Variants in TMPRSS11B observed in about 807,000 individuals in gnomAD.
TMPRSS11B encodes the protein transmembrane protease serine 11B.
TMPRSS11B carries 53 observed loss-of-function variants against 44.7 expected under a neutral mutation model. That is an observed-to-expected ratio of 1.19 (90% CI 0.95 to 1.49). The LOEUF (loss-of-function observed/expected upper bound fraction) is 1.49, where lower values mean the gene tolerates loss of function less well. Among genes scored for constraint, TMPRSS11B ranks in the 40% most tolerant of loss-of-function variants. The probability of loss-of-function intolerance (pLI) is 0.00; values close to 1 mark genes in which losing one functional copy is unlikely to be tolerated. For synonymous variants in TMPRSS11B, 140 were observed against 159.2 expected (o/e 0.88, Z 0.91); for missense variants, 526 against 494.8 (o/e 1.06, Z -0.60).
chr4:68,243,413 T>A (rs1719915180), intron 1 of TMPRSS11B, among the ~76,000 whole-genome samples: 1 of 152,184 alleles, frequency 6.6e-6, no homozygotes, highest in Non-Finnish European at 1.5e-5. Context: ...CTTCACTCTG[T>A]TCCACATTCT....
Position 68,228,861 on chromosome 4 carries a change from C to CT in TMPRSS11B, c.969dup (p.Glu324ArgfsTer8). ...TTGTCAATAATCTTCAAAAAGTCTT[C>CT]TTGAAGTATCACTGGAAATGAACCT... On this transcript the variant is annotated frameshift_variant, in exon 9 of 10. Transcript: ENST00000332644. LOFTEE classifies it high-confidence loss of function. 1 of 1,612,946 alleles carries CT rather than the reference C, an allele frequency of 6.2e-7. No homozygotes were observed. The highest frequency in any genetic ancestry group is 8.5e-7 in the Non-Finnish European group (1 of 1,179,622).
chr4:68,235,226 T>G (rs1046423684), intron 4 of TMPRSS11B, among the ~76,000 whole-genome samples: 5 of 152,212 alleles, frequency 3.3e-5, no homozygotes, highest in African/African-American at 1.2e-4. Context: ...TTGGAAGACT[T>G]TCAAACCAAA....
At chr4:68,228,145 C>T in intron 9 of TMPRSS11B, 73 bp from the exon 10 acceptor site, 1 of 1,348,232 alleles carries the variant, frequency 7.4e-7, no homozygotes, top group Non-Finnish European at 9.9e-7. Flanking sequence ...GTGGAGTTAT[C>T]TGTACCTCCT....
chr4:68,231,771 C>T (rs1373136705), intron 6 of TMPRSS11B: 1 of 159,344 alleles, frequency 6.3e-6, no homozygotes, highest in Non-Finnish European at 1.4e-5. Context: ...TGAATGAATG[C>T]ATAAATGTAT....
At chr4:68,242,216 AATATTATATTATAT>A (rs1719847763) in intron 1 of TMPRSS11B, among the ~76,000 whole-genome samples, 1 of 73,134 alleles carries the variant, frequency 1.4e-5, no homozygotes, top group Non-Finnish European at 2.3e-5. Flanking sequence ...TAATATATAT[AATATTATATTATAT>A]TATATATATT....
chr4:68,232,042 T>C (rs940298097), intron 6 of TMPRSS11B: 1 of 166,276 alleles, frequency 6.0e-6, no homozygotes, highest in African/African-American at 2.4e-5. Flanking sequence ...AAATATATTT[T>C]ATATAGCCTG....
chr4:68,229,877 C>T (rs898375804), intron 7 of TMPRSS11B, among the ~76,000 whole-genome samples: 10 of 129,538 alleles, frequency 7.7e-5, no homozygotes, highest in Non-Finnish European at 3.4e-5. Flanking sequence ...TGCCACATAC[C>T]CTTGGTTTCA....
chr4:68,234,426 C>T, intron 5 of TMPRSS11B, 37 bp downstream of exon 5: 1 of 1,529,976 alleles, frequency 6.5e-7, no homozygotes. Flanking sequence ...CCAGAAAAAA[C>T]CTATGTAATA....
chr4:68,231,440 T>C (rs1026319619), intron 6 of TMPRSS11B, 60 bp from the exon 7 acceptor site: 4 of 1,246,894 alleles, frequency 3.2e-6, no homozygotes, highest in East Asian at 5.0e-5. Flanking sequence ...TATAAAAAAA[T>C]ATATCATTAA....
chr4:68,244,823 C>G (rs546268979), intron 1 of TMPRSS11B, among the ~76,000 whole-genome samples: 3 of 152,130 alleles, frequency 2.0e-5, no homozygotes, highest in Non-Finnish European at 4.4e-5. Context: ...CATTTATAAA[C>G]CATTTGAATT....
Position 68,233,173 on chromosome 4 carries a change from G to A in TMPRSS11B, c.470-757C>T, listed in dbSNP as rs529961117. 3.9e-5 allele frequency among the ~76,000 whole-genome samples: 6 copies of A among 151,940 alleles called. No individual in the cohort carries two copies. The South Asian group carries it at 6.2e-4, about 16-fold the overall frequency. On this transcript the variant is annotated intron_variant, in intron 5 of 9. Transcript: ENST00000332644. ...GGGACACAGAAAGAGAGTAAACAAC[G>A]TATCCCTCTTTCCCAAAAGCTACTC... is the stretch of plus-strand genomic sequence containing the variant.
Position 68,227,138 on chromosome 4 carries a change from T to C in TMPRSS11B, c.*773A>G, listed in dbSNP as rs1719372884. ...TGCAAGATTGCATGATTTTGTGAGG[T>C]ACATGAATCATTTCACATATAAGTT... On this transcript the variant is annotated 3_prime_UTR_variant, in exon 10 of 10. Transcript: ENST00000332644. The C allele has an allele frequency of 6.6e-6, 1 of 152,214 alleles. No individual in the cohort carries two copies. The highest frequency in any genetic ancestry group is 1.5e-5 in the Non-Finnish European group (1 of 68,044). The allele number at this position is 152,214 out of a possible 1,614,324, so 9.4% of individuals were successfully genotyped here. A position where few individuals can be genotyped will look rare whatever the true frequency, so the allele number is the denominator to read the frequency against.
At position 68,227,183 on chromosome 4, in the gene TMPRSS11B, C is replaced by T. The variant is rs1029243965; in HGVS notation, c.*728G>A. 2 of 152,018 alleles carry T rather than the reference C, an allele frequency of 1.3e-5. No homozygotes were observed. The highest frequency in any genetic ancestry group is 2.9e-5 in the Non-Finnish European group (2 of 67,994). 9.4% of individuals were successfully genotyped at this position (152,018 alleles called of 1,614,324 possible). ...TAAGTTAAAAAGTAATGTACACTTTCGCACTTATTCCAGTTAATAAAATGA... is the reference window on the plus strand; with the variant it reads ...TAAGTTAAAAAGTAATGTACACTTTTGCACTTATTCCAGTTAATAAAATGA... On this transcript the variant is annotated 3_prime_UTR_variant, in exon 10 of 10. Coordinates refer to ENST00000332644, the MANE Select transcript of TMPRSS11B (RefSeq NM_182502.3).
At chr4:68,244,722 G>T (rs1403677772) in intron 1 of TMPRSS11B, among the ~76,000 whole-genome samples, 4 of 152,164 alleles carry the variant, frequency 2.6e-5, no homozygotes, top group African/African-American at 9.7e-5. Flanking sequence ...CATGCCAGTG[G>T]TTAGATTTCC....
chr4:68,227,332 T>A lies in TMPRSS11B; in HGVS notation c.*579A>T, dbSNP rs1191540893. On this transcript the variant is annotated 3_prime_UTR_variant, in exon 10 of 10. Transcript: ENST00000332644. Reference sequence around the variant, plus strand: ...AAAACAAATTAAGGTCAATTCTGAATATAATGGTAAAATGAATCACAACTC... The same window carrying A: ...AAAACAAATTAAGGTCAATTCTGAAAATAATGGTAAAATGAATCACAACTC... 1.3e-5 allele frequency: 2 copies of A among 151,878 alleles called. No homozygotes were observed. Among genetic ancestry groups the A allele is most frequent in the Non-Finnish European group, 2.9e-5 (2 of 67,994 alleles). The allele number at this position is 151,878 out of a possible 1,614,324, so 9.4% of individuals were successfully genotyped here.
intron 9 of TMPRSS11B, 146 bp from the exon 10 acceptor site, chr4:68,228,218 TA>T: frequency 1.4e-6 from 1 of 735,158 alleles, no homozygotes; most frequent in Non-Finnish European, 2.1e-6. Context: ...GACTTTTTTT[TA>T]AAACACAAGA....
At chr4:68,241,357 A>G (rs1332628152) in intron 2 of TMPRSS11B, among the ~76,000 whole-genome samples, 2 of 152,146 alleles carry the variant, frequency 1.3e-5, no homozygotes, top group Non-Finnish European at 2.9e-5. Context: ...CAAGAAGAGA[A>G]GGAATCTCTA....
In TMPRSS11B at chr4:68,228,083, A is replaced by G. The variant is rs773821861; in HGVS notation, c.1090-11T>C. The G allele has an allele frequency of 6.3e-7, 1 of 1,583,414 alleles. No individual in the cohort carries two copies. The highest frequency in any genetic ancestry group is 1.2e-5 in the South Asian group (1 of 85,838). On this transcript the variant is annotated splice_polypyrimidine_tract_variant and intron_variant, in intron 9 of 9. Coordinates refer to ENST00000332644, the MANE Select transcript of TMPRSS11B (RefSeq NM_182502.3). ...TCCACCAGAATCATTCTAGAAGAAGAAAAGAAAAAAATGTTTCTTGTCTTA... is the reference window on the plus strand; with the variant it reads ...TCCACCAGAATCATTCTAGAAGAAGGAAAGAAAAAAATGTTTCTTGTCTTA...
At chr4:68,240,400 T>C (rs1042397366) in intron 2 of TMPRSS11B, among the ~76,000 whole-genome samples, 2 of 152,192 alleles carry the variant, frequency 1.3e-5, no homozygotes, top group Non-Finnish European at 2.9e-5. Context: ...TAGCCTTCTA[T>C]CTGAAATAGT....
Sources: gnomAD v4.1 joint callset for allele counts (sites outside exome capture counted in the v4.1 genomes callset) on GRCh38, gnomAD v4.1.1 for gene constraint, MANE v1.5 for transcripts, NCBI Gene and HGNC (gene_info 2026-07-23, HGNC 2026-07-21) for gene names.